The following PDE4D variants were observed in gnomAD, a reference collection of about 807,000 sequenced individuals.
PDE4D encodes the protein 3',5'-cyclic-AMP phosphodiesterase 4D.
PDE4D carries 24 observed loss-of-function variants against 87.4 expected under a neutral mutation model. The ratio of observed to expected loss-of-function variants is 0.27; its 90% CI spans 0.20 to 0.39. The LOEUF (loss-of-function observed/expected upper bound fraction) is 0.39. Among genes scored for constraint, PDE4D ranks in the 10% least tolerant of loss-of-function variants. The probability of loss-of-function intolerance (pLI) is 1.00; values close to 1 mark genes in which losing one functional copy is unlikely to be tolerated. For missense variants in PDE4D, 714 were observed against 1,041.0 expected, an observed-to-expected ratio of 0.69 and a Z score of 4.32; for synonymous variants, 384 against 383.2, an observed-to-expected ratio of 1.00 and a Z score of -0.02.
At chr5:60,469,670 T>C (rs1163827761) in intron 1 of PDE4D, among the ~76,000 whole-genome samples, 2 of 152,216 alleles carry the variant, frequency 1.3e-5, no homozygotes. Flanking sequence ...AAATTTTTCA[T>C]TGTTATTATA....
intron 1 of PDE4D, among the ~76,000 whole-genome samples, chr5:60,355,053 A>G (rs1354202019): frequency 6.6e-6 from 1 of 152,178 alleles, no homozygotes. Flanking sequence ...GGAATAACTA[A>G]TAAGTTTCCT....
At chr5:60,108,489 C>A (rs1215386944) in intron 2 of PDE4D, among the ~76,000 whole-genome samples, 2 of 152,174 alleles carry the variant, frequency 1.3e-5, no homozygotes, top group Non-Finnish European at 2.9e-5. Context: ...TGACTTTCTT[C>A]ACAGAATTGG....
At chr5:60,345,775 T>C (rs951606527) in intron 1 of PDE4D, among the ~76,000 whole-genome samples, 1 of 152,122 alleles carries the variant, frequency 6.6e-6, no homozygotes, top group Non-Finnish European at 1.5e-5. Context: ...TGACTGAATT[T>C]CAGATTTTTC....
At chr5:59,235,825 TAAC>T (rs777285279) in intron 1 of PDE4D, among the ~76,000 whole-genome samples, 1 of 152,162 alleles carries the variant, frequency 6.6e-6, no homozygotes, top group Non-Finnish European at 1.5e-5. Context: ...TTAATCATCC[TAAC>T]AATATTGTAA....
intron 1 of PDE4D, among the ~76,000 whole-genome samples, chr5:59,299,447 T>C (rs938449002): frequency 6.6e-6 from 1 of 152,178 alleles, no homozygotes; most frequent in African/African-American, 2.4e-5. Flanking sequence ...TCCCTACTCC[T>C]TTACTTATGT....
chr5:58,996,110 G>A (rs1370064938), intron 6 of PDE4D, among the ~76,000 whole-genome samples: 2 of 152,122 alleles, frequency 1.3e-5, no homozygotes, highest in South Asian at 2.1e-4. Context: ...GACACAGGGA[G>A]GGGAACATCA....
At chr5:60,287,464 G>A (rs1444703901) in intron 1 of PDE4D, among the ~76,000 whole-genome samples, 1 of 152,142 alleles carries the variant, frequency 6.6e-6, no homozygotes, top group African/African-American at 2.4e-5. Flanking sequence ...TCAAAGACAA[G>A]AACTAAAATT....
intron 2 of PDE4D, among the ~76,000 whole-genome samples, chr5:60,064,059 G>A (rs574135123): frequency 1.0e-3 from 152 of 152,148 alleles, no homozygotes; most frequent in African/African-American, 3.6e-3. Context: ...ATAGTTATCT[G>A]AGGACAAATT....
At chr5:59,432,798 A>C (rs978908736) in intron 1 of PDE4D, among the ~76,000 whole-genome samples, 8 of 152,282 alleles carry the variant, frequency 5.3e-5, no homozygotes, top group Admixed American at 4.6e-4. Flanking sequence ...CAAAAGGCAG[A>C]AGTCTGGAGT....
chr5:59,611,484 T>G (rs1460360712), intron 1 of PDE4D, among the ~76,000 whole-genome samples: 1 of 152,094 alleles, frequency 6.6e-6, no homozygotes, highest in African/African-American at 2.4e-5. Context: ...TATTTCCCCT[T>G]GTAACACTCA....
chr5:60,158,380 A>G (rs753020672), intron 2 of PDE4D, among the ~76,000 whole-genome samples: 7 of 152,302 alleles, frequency 4.6e-5, no homozygotes, highest in Admixed American at 2.0e-4. Flanking sequence ...GGAAAGATAC[A>G]GTAAAAATGT....
intron 1 of PDE4D, among the ~76,000 whole-genome samples, chr5:59,421,853 T>G (rs1794533765): frequency 1.3e-5 from 2 of 152,064 alleles, no homozygotes; most frequent in Non-Finnish European, 2.9e-5. Context: ...ACTTTTGTAC[T>G]CTCAGTTGAA....
chr5:59,593,334 A>G (rs866285511), intron 1 of PDE4D, among the ~76,000 whole-genome samples: 12 of 152,038 alleles, frequency 7.9e-5, no homozygotes, highest in Admixed American at 5.9e-4. Context: ...AAAAAAAAAA[A>G]AGAGAAATGT....
intron 5 of PDE4D, among the ~76,000 whole-genome samples, chr5:59,151,439 A>T (rs1196958325): frequency 6.6e-6 from 1 of 152,158 alleles, no homozygotes; most frequent in Non-Finnish European, 1.5e-5. Flanking sequence ...GGGATCTCAC[A>T]GTTATCTGGT....
chr5:59,273,771 C>A lies in PDE4D; in HGVS notation c.456-57803G>T, dbSNP rs1764296495. 2.6e-5 allele frequency among the ~76,000 whole-genome samples: 4 copies of A among 151,950 alleles called. No homozygotes were observed. The South Asian group carries it at 8.3e-4, about 32-fold the overall frequency. ...AAATGCATTTTAAATTGTGGCTTGA[C>A]TTATGAAAATATCCCATACAATTTA... On this transcript the variant is annotated intron_variant, in intron 1 of 14. Transcript: ENST00000340635.
chr5:59,026,817 G>C (rs1464022556), intron 6 of PDE4D, among the ~76,000 whole-genome samples: 1 of 152,114 alleles, frequency 6.6e-6, no homozygotes. Context: ...TTTTAGAACA[G>C]ATCTAGATTT....
At chr5:60,220,711 A>G (rs775203153) in intron 1 of PDE4D, among the ~76,000 whole-genome samples, 3 of 152,114 alleles carry the variant, frequency 2.0e-5, no homozygotes, top group Admixed American at 6.6e-5. Context: ...GATATTTAAA[A>G]TGCTATTCAT....
intron 1 of PDE4D, among the ~76,000 whole-genome samples, chr5:59,262,232 A>C (rs1283529465): frequency 6.6e-6 from 1 of 151,966 alleles, no homozygotes; most frequent in Non-Finnish European, 1.5e-5. Context: ...CCTGTGGCAG[A>C]ACAAGCTTAA....
At chr5:60,343,029 T>C (rs1361593494) in intron 1 of PDE4D, among the ~76,000 whole-genome samples, 1 of 152,212 alleles carries the variant, frequency 6.6e-6, no homozygotes, top group Non-Finnish European at 1.5e-5. Context: ...AAATATGTAT[T>C]CTTTCAGTTT....
Sources: allele counts gnomAD v4.1 joint callset (sites outside exome capture counted in the v4.1 genomes callset), GRCh38; gene constraint gnomAD v4.1.1; transcripts MANE v1.5; gene names NCBI Gene and HGNC (gene_info 2026-07-23, HGNC 2026-07-21).